B3GNT5: variants seen among roughly 807,000 people sequenced by gnomAD.
The protein encoded by B3GNT5 is lactosylceramide 1,3-N-acetyl-beta-D-glucosaminyltransferase.
In B3GNT5, 11 loss-of-function variants were observed where a neutral mutation model predicts 25.9. That is an observed-to-expected ratio of 0.42 (90% CI 0.27 to 0.70). B3GNT5 has a LOEUF of 0.70. B3GNT5 is among the 30% of genes least tolerant of loss of function. B3GNT5 has a pLI of 0.23. For synonymous variants in B3GNT5, 166 were observed against 158.6 expected, an observed-to-expected ratio of 1.05 and a Z score of -0.35; for missense variants, 385 against 458.4, an observed-to-expected ratio of 0.84 and a Z score of 1.46.
chr3:183,260,480 C>T (rs560302847), intron 1 of B3GNT5, among the ~76,000 whole-genome samples: 1 of 152,280 alleles, frequency 6.6e-6, no homozygotes, highest in East Asian at 1.9e-4. Context: ...CTCTCTGAGA[C>T]CTCCTTTATA....
Position 183,269,702 on chromosome 3 carries a change from G to C in B3GNT5, c.-97G>C. 9.0e-7 allele frequency: 1 copy of C among 1,106,950 alleles called. No individual in the cohort carries two copies. Among genetic ancestry groups the C allele is most frequent in the South Asian group, 1.6e-5 (1 of 63,498 alleles). The allele number at this position is 1,106,950 out of a possible 1,614,324, so 68.6% of individuals were successfully genotyped here. On this transcript the variant is annotated 5_prime_UTR_variant, in exon 2 of 2. Transcript: ENST00000326505. ...ATTTTTAATGACCAACATGTATTAAGATGGACACCTACTCTACGAAACACG... is the reference window on the plus strand; with the variant it reads ...ATTTTTAATGACCAACATGTATTAACATGGACACCTACTCTACGAAACACG...
Position 183,267,430 on chromosome 3 carries a change from C to T in B3GNT5, c.-301-2068C>T, listed in dbSNP as rs746010837. 6.6e-5 allele frequency among the ~76,000 whole-genome samples: 10 copies of T among 152,188 alleles called. No individual in the cohort carries two copies. Among genetic ancestry groups the T allele is most frequent in the African/African-American group, 1.4e-4 (6 of 41,438 alleles). ...TGGGGGTGGGAAATATAGCTGGATC[C>T]GAAAGCTCTGAAGTGGGGATGGAGG... On this transcript the variant is annotated intron_variant, in intron 1 of 1. Coordinates refer to ENST00000326505, the MANE Select transcript of B3GNT5 (RefSeq NM_032047.5). This position sits in a 1 kb window ranked among gnomAD's most constrained non-coding sequence, Gnocchi z 5.5.
intron 1 of B3GNT5, among the ~76,000 whole-genome samples, chr3:183,268,607 CAG>C (rs1281967327): frequency 1.3e-5 from 2 of 152,206 alleles, no homozygotes; most frequent in East Asian, 3.9e-4. Context: ...GAGAAGATAA[CAG>C]AATGGGTGAG....
At chr3:183,263,089 G>A (rs368907140) in intron 1 of B3GNT5, among the ~76,000 whole-genome samples, 1 of 152,110 alleles carries the variant, frequency 6.6e-6, no homozygotes, top group Non-Finnish European at 1.5e-5. Flanking sequence ...GCTGAGGAGT[G>A]AGTGTACTAT....
At chr3:183,264,620 G>C (rs540740630) in intron 1 of B3GNT5, among the ~76,000 whole-genome samples, 1 of 152,318 alleles carries the variant, frequency 6.6e-6, no homozygotes, top group South Asian at 2.1e-4. Flanking sequence ...CTTGTACTTA[G>C]AAGTGTGGAC....
Position 183,256,536 on chromosome 3 carries a change from A to G in B3GNT5, c.-302+3064A>G, listed in dbSNP as rs979967142. 2.0e-5 allele frequency among the ~76,000 whole-genome samples: 3 copies of G among 152,204 alleles called. No homozygotes were observed. In the South Asian group the frequency reaches 6.2e-4, roughly 31 times the overall value. On this transcript the variant is annotated intron_variant, in intron 1 of 1. Transcript: ENST00000326505. ...TAACTTATTCAGATTTCTCTTCCAT[A>G]GAAGGCTTTAACACTAGAAGCCAGT...
chr3:183,271,096 T>C lies in B3GNT5; in HGVS notation c.*161T>C, dbSNP rs1726732906. 1.7e-6 allele frequency: 1 copy of C among 602,412 alleles called. No individual in the cohort carries two copies. 37.3% of individuals were successfully genotyped at this position (602,412 alleles called of 1,614,324 possible). ...TTCTTTGATTCTAGAAGCTGTTTAA[T>C]ATCACTTATCTACTTCATTGCCTAA... On this transcript the variant is annotated 3_prime_UTR_variant, in exon 2 of 2. Transcript: ENST00000326505.
rs1489783444 is a variant in B3GNT5 at position 183,267,051 on chromosome 3, G to A, written c.-301-2447G>A. Among the ~76,000 whole-genome samples, 1 of 152,122 alleles carries A rather than the reference G, an allele frequency of 6.6e-6. No individual in the cohort carries two copies. The highest frequency in any genetic ancestry group is 2.4e-5 in the African/African-American group (1 of 41,416). On this transcript the variant is annotated intron_variant, in intron 1 of 1. Transcript: ENST00000326505. The surrounding 1 kb of genome is among the most constrained non-coding windows in gnomAD (Gnocchi z 5.5). ...TCCTCCTGCCTCGGCCTCCCAAAGC[G>A]CTAGGATTACAGGCGTGAGCCACCA...
At chr3:183,262,840 T>C (rs950619381) in intron 1 of B3GNT5, among the ~76,000 whole-genome samples, 27 of 152,202 alleles carry the variant, frequency 1.8e-4, no homozygotes, top group African/African-American at 4.6e-4. Context: ...CAAAGCTAGA[T>C]AGTGCCATTT....
chr3:183,254,022 C>T (rs1266604764), intron 1 of B3GNT5: 1 of 152,142 alleles, frequency 6.6e-6, no homozygotes. Context: ...CCCTGGGTCT[C>T]CAGCGCGGGC....
intron 1 of B3GNT5, among the ~76,000 whole-genome samples, chr3:183,258,648 C>G (rs895294905): frequency 6.6e-6 from 1 of 152,196 alleles, no homozygotes; most frequent in African/African-American, 2.4e-5. Context: ...ACCACCCCCC[C>G]GCCCCTGATA....
chr3:183,269,749 G>A lies in B3GNT5; in HGVS notation c.-50G>A. 7 of 1,517,856 alleles carry A rather than the reference G, an allele frequency of 4.6e-6. No individual in the cohort carries two copies. Among genetic ancestry groups the A allele is most frequent in the Non-Finnish European group, 6.2e-6 (7 of 1,122,888 alleles). The allele number at this position is 1,517,856 out of a possible 1,614,324, so 94.0% of individuals were successfully genotyped here. A position where few individuals can be genotyped will look rare whatever the true frequency, so the allele number is the denominator to read the frequency against. ...CACGAAGTTCTATGGTCTCGAAGAA[G>A]CCCGTGCCTGTTTAAAACTGATCCT... On this transcript the variant is annotated 5_prime_UTR_variant, in exon 2 of 2. Coordinates refer to ENST00000326505, the MANE Select transcript of B3GNT5 (RefSeq NM_032047.5).
chr3:183,257,658 A>G (rs1012817202), intron 1 of B3GNT5, among the ~76,000 whole-genome samples: 1 of 152,170 alleles, frequency 6.6e-6, no homozygotes, highest in African/African-American at 2.4e-5. Context: ...CCCTCTATCA[A>G]GTGTTGCTTC....
intron 1 of B3GNT5, chr3:183,266,021 T>C (rs1336845508): frequency 6.6e-6 from 1 of 152,092 alleles, no homozygotes; most frequent in African/African-American, 2.4e-5. Context: ...TACAGGAAAA[T>C]AAGATAAATA....
At position 183,257,958 on chromosome 3, in the gene B3GNT5, CTTTTTTTTT is replaced by C. The variant is rs35323502; in HGVS notation, c.-302+4505_-302+4513del. On this transcript the variant is annotated intron_variant, in intron 1 of 1. Transcript: ENST00000326505. Reference sequence around the variant, plus strand: ...TATTCCTTGCTCCCTCCACTTCACCCTTTTTTTTTTTTTTTTTTTTTTTTTTTGAGACGG... The same window carrying C: ...TATTCCTTGCTCCCTCCACTTCACCCTTTTTTTTTTTTTTTTTTGAGACGG... 2.6e-4 allele frequency among the ~76,000 whole-genome samples: 17 copies of C among 64,740 alleles called. No homozygotes were observed. The East Asian group carries it at 4.2e-3, about 16-fold the overall frequency. 42.5% of individuals were successfully genotyped at this position (64,740 alleles called of 152,430 possible).
In B3GNT5 at chr3:183,271,013, C is replaced by A. The variant is rs1726726260; in HGVS notation, c.*78C>A. ...AAAAACCTTTAAATGTTCGTCTATA[C>A]CCTAAGTAAAATGAGGACGAAAGAC... On this transcript the variant is annotated 3_prime_UTR_variant, in exon 2 of 2. Transcript: ENST00000326505. 7.5e-7 allele frequency: 1 copy of A among 1,335,626 alleles called. No individual in the cohort carries two copies. Among genetic ancestry groups the A allele is most frequent in the Non-Finnish European group, 1.0e-6 (1 of 987,098 alleles). 82.7% of individuals were successfully genotyped at this position (1,335,626 alleles called of 1,614,324 possible). A position where few individuals can be genotyped will look rare whatever the true frequency, so the allele number is the denominator to read the frequency against.
chr3:183,261,663 G>C (rs554099120), intron 1 of B3GNT5, among the ~76,000 whole-genome samples: 1 of 152,056 alleles, frequency 6.6e-6, no homozygotes, highest in South Asian at 2.1e-4. Context: ...GTTCAGTCTT[G>C]TTTTCTATGT....
At chr3:183,261,110 T>C (rs1165169121) in intron 1 of B3GNT5, among the ~76,000 whole-genome samples, 3 of 152,238 alleles carry the variant, frequency 2.0e-5, no homozygotes, top group Non-Finnish European at 2.9e-5. Context: ...TCCTTCCTCC[T>C]TGAGCAAACA....
In B3GNT5 at chr3:183,270,128, G is replaced by A. The variant is rs780423909; in HGVS notation, c.330G>A (p.Thr110=). 18 of 1,614,006 alleles carry A rather than the reference G, an allele frequency of 1.1e-5. No individual in the cohort carries two copies. Among genetic ancestry groups the A allele is most frequent in the South Asian group, 2.2e-5 (2 of 91,076 alleles). The change falls in exon 2 of 2, where the codon ACG becomes ACA. Residue 110 remains threonine (T), a synonymous_variant. Transcript: ENST00000326505. This position sits in a 1 kb window ranked among gnomAD's most constrained non-coding sequence, Gnocchi z 4.5. ...NYDRRSGIRR[T]WGNENYVRSQ... ...ATCGACGTTCCGGAATTAGAAGGAC[G>A]TGGGGCAATGAAAATTATGTTCGGT... is the stretch of plus-strand genomic sequence containing the variant.
Sources: allele counts gnomAD v4.1 joint callset (sites outside exome capture counted in the v4.1 genomes callset), GRCh38; gene constraint gnomAD v4.1.1; non-coding constraint Gnocchi (gnomAD v3.1); transcripts MANE v1.5; gene names NCBI Gene and HGNC (gene_info 2026-07-23, HGNC 2026-07-21).